SFMBT1: variants seen among roughly 807,000 people sequenced by gnomAD.
SFMBT1 encodes the protein scm-like with four MBT domains protein 1.
SFMBT1 carries 32 observed loss-of-function variants against 108.7 expected under a neutral mutation model. That is an observed-to-expected ratio of 0.29 (90% CI 0.22 to 0.40). The LOEUF is 0.40. Ranked by LOEUF, SFMBT1 falls within the 10% of genes least tolerant of loss-of-function variation. The pLI is 1.00. For missense variants in SFMBT1, 816 were observed against 1,059.6 expected (o/e 0.77, Z 3.19); for synonymous variants, 348 against 369.5 (o/e 0.94, Z 0.67).
chr3:52,990,806 A>T (rs1215093355), intron 1 of SFMBT1, among the ~76,000 whole-genome samples: 6 of 152,178 alleles, frequency 3.9e-5, no homozygotes. Flanking sequence ...TTACGCATAA[A>T]ACAAGGAAAT....
chr3:52,970,018 G>T (rs1704283084), intron 1 of SFMBT1, among the ~76,000 whole-genome samples: 1 of 151,834 alleles, frequency 6.6e-6, no homozygotes, highest in South Asian at 2.1e-4. Context: ...TGGGAGGATG[G>T]CTTGAGTCTG....
intron 1 of SFMBT1, among the ~76,000 whole-genome samples, chr3:53,032,738 C>T (rs185371712): frequency 1.2e-3 from 181 of 152,318 alleles, no homozygotes; most frequent in African/African-American, 4.2e-3. Context: ...AATAAAACAG[C>T]ATCTCTGACC....
At chr3:52,983,033 G>C (rs1704771060) in intron 1 of SFMBT1, among the ~76,000 whole-genome samples, 1 of 152,128 alleles carries the variant, frequency 6.6e-6, no homozygotes, top group South Asian at 2.1e-4. Context: ...TTTAGAGGAA[G>C]GAAAAAGCAA....
At position 52,993,809 on chromosome 3, in the gene SFMBT1, G is replaced by C. The variant is rs528185418; in HGVS notation, c.-130-24551C>G. ...TGTAACTTTTCTTATTTATACACAAGATCAAGGAAAGAACAGAAAATCCTT... is the reference window on the plus strand; with the variant it reads ...TGTAACTTTTCTTATTTATACACAACATCAAGGAAAGAACAGAAAATCCTT... On this transcript the variant is annotated intron_variant, in intron 1 of 20. Coordinates refer to ENST00000394752, the MANE Select transcript of SFMBT1 (RefSeq NM_016329.4). Among the ~76,000 whole-genome samples, 28 of 150,264 alleles carry C rather than the reference G, an allele frequency of 1.9e-4. 1 individual carries two copies. Among genetic ancestry groups the C allele is most frequent in the African/African-American group, 5.8e-4 (24 of 41,326 alleles).
chr3:53,004,721 C>T (rs1436770275), intron 1 of SFMBT1, among the ~76,000 whole-genome samples: 1 of 150,086 alleles, frequency 6.7e-6, no homozygotes, highest in East Asian at 1.9e-4. Context: ...GCAGGGTTCT[C>T]CATCTTAAGC....
At chr3:53,001,920 G>T (rs1249755671) in intron 1 of SFMBT1, among the ~76,000 whole-genome samples, 1 of 61,732 alleles carries the variant, frequency 1.6e-5, no homozygotes, top group African/African-American at 5.0e-5. Context: ...GCAAGACCCA[G>T]TCTCTCACAC....
At chr3:52,922,394 C>T (rs1702545898) in intron 10 of SFMBT1, among the ~76,000 whole-genome samples, 1 of 152,208 alleles carries the variant, frequency 6.6e-6, no homozygotes, top group Non-Finnish European at 1.5e-5. Context: ...AACTGAACAT[C>T]TGCGTTTGAG....
At chr3:52,981,680 G>T (rs1274465763) in intron 1 of SFMBT1, among the ~76,000 whole-genome samples, 1 of 151,856 alleles carries the variant, frequency 6.6e-6, no homozygotes, top group Non-Finnish European at 1.5e-5. Context: ...CACCCAACCT[G>T]AACAGGTTTT....
chr3:53,013,188 G>C (rs1250343274), intron 1 of SFMBT1, among the ~76,000 whole-genome samples: 1 of 151,676 alleles, frequency 6.6e-6, no homozygotes, highest in East Asian at 1.9e-4. Flanking sequence ...AATATTTCCA[G>C]TGATGGGCTC....
At chr3:53,010,393 A>G (rs1698900465) in intron 1 of SFMBT1, among the ~76,000 whole-genome samples, 1 of 152,242 alleles carries the variant, frequency 6.6e-6, no homozygotes, top group Non-Finnish European at 1.5e-5. Flanking sequence ...GCAGTGACCG[A>G]ACATGGCTGC....
In SFMBT1 at chr3:52,905,126, G is replaced by T. The variant is rs762326712; in HGVS notation, c.*10C>A. ...TGCTTCAAAGATCCAGCTCACTTTGGTTGTCCTTCTCAGTTGGCAAACTGC... is the reference window on the plus strand; with the variant it reads ...TGCTTCAAAGATCCAGCTCACTTTGTTTGTCCTTCTCAGTTGGCAAACTGC... On this transcript the variant is annotated 3_prime_UTR_variant, in exon 21 of 21. Coordinates refer to ENST00000394752, the MANE Select transcript of SFMBT1 (RefSeq NM_016329.4). The T allele has an allele frequency of 5.3e-5, 85 of 1,612,890 alleles. No individual in the cohort carries two copies. The highest frequency in any genetic ancestry group is 6.5e-5 in the Non-Finnish European group (77 of 1,179,552).
At chr3:53,016,925 A>G (rs1699144983) in intron 1 of SFMBT1, among the ~76,000 whole-genome samples, 1 of 152,206 alleles carries the variant, frequency 6.6e-6, no homozygotes, top group African/African-American at 2.4e-5. Context: ...TTTGATTCAC[A>G]TTGGAAAGAT....
At chr3:53,014,361 T>C (rs1460468531) in intron 1 of SFMBT1, among the ~76,000 whole-genome samples, 1 of 152,078 alleles carries the variant, frequency 6.6e-6, no homozygotes, top group Non-Finnish European at 1.5e-5. Flanking sequence ...TGCCAGCACT[T>C]TGGGAGGCTG....
At chr3:52,923,729 G>A (rs1027064675) in intron 10 of SFMBT1, among the ~76,000 whole-genome samples, 1 of 151,956 alleles carries the variant, frequency 6.6e-6, no homozygotes, top group African/African-American at 2.4e-5. Flanking sequence ...AGGATAAAAA[G>A]ATTTAAAAAG....
chr3:52,920,419 AAC>A (rs1376319740), intron 12 of SFMBT1, 116 bp downstream of exon 12: 88 of 743,244 alleles, frequency 1.2e-4, no homozygotes, highest in Admixed American at 4.4e-4. Flanking sequence ...CCTATGCAGG[AAC>A]AGAGAACCAG....
chr3:52,940,703 G>A (rs1157310876), intron 4 of SFMBT1, among the ~76,000 whole-genome samples: 2 of 152,042 alleles, frequency 1.3e-5, no homozygotes, highest in African/African-American at 2.4e-5. Flanking sequence ...AAGAATAGTG[G>A]GTTAAAGTGT....
At chr3:53,045,041 G>A (rs1700174509) in intron 1 of SFMBT1, 1 of 152,244 alleles carries the variant, frequency 6.6e-6, no homozygotes, top group Non-Finnish European at 1.5e-5. Context: ...CCCCTCCACA[G>A]CCTCCTTTTC....
chr3:52,910,960 T>C (rs1343169452), intron 17 of SFMBT1, 43 bp downstream of exon 17: 2 of 1,596,512 alleles, frequency 1.3e-6, no homozygotes, highest in East Asian at 2.2e-5. Context: ...ATGTAAGGTA[T>C]GGTCAGCTGC....
At chr3:52,916,069 G>T in intron 14 of SFMBT1, 81 bp downstream of exon 14, 1 of 1,177,418 alleles carries the variant, frequency 8.5e-7, no homozygotes, top group Non-Finnish European at 1.3e-6. Context: ...TACATCAAAT[G>T]TACTGTTTTA....
Sources: allele counts gnomAD v4.1 joint callset (sites outside exome capture counted in the v4.1 genomes callset), GRCh38; gene constraint gnomAD v4.1.1; transcripts MANE v1.5; gene names NCBI Gene and HGNC (gene_info 2026-07-23, HGNC 2026-07-21).